SPAG16: variants seen among roughly 807,000 people sequenced by gnomAD.
The protein encoded by SPAG16 is sperm-associated antigen 16 protein.
In SPAG16, 86 loss-of-function variants were observed where a neutral mutation model predicts 80.4. The observed-to-expected ratio is 1.07, with a 90% CI of 0.90 to 1.28. SPAG16 has a LOEUF of 1.28. SPAG16 is among the 50% of genes most tolerant of loss of function. The pLI is 0.00. For synonymous variants in SPAG16, 294 were observed against 265.9 expected, an observed-to-expected ratio of 1.11 and a Z score of -1.03; for missense variants, 870 against 765.3, an observed-to-expected ratio of 1.14 and a Z score of -1.61.
At chr2:214,293,838 G>A (rs1046070017) in intron 15 of SPAG16, among the ~76,000 whole-genome samples, 4 of 152,200 alleles carry the variant, frequency 2.6e-5, no homozygotes, top group Non-Finnish European at 5.9e-5. Context: ...TAAGCTTTCT[G>A]AATGGTACCA....
intron 10 of SPAG16, among the ~76,000 whole-genome samples, chr2:213,829,174 C>T (rs923641231): frequency 2.6e-5 from 4 of 152,150 alleles, no homozygotes; most frequent in African/African-American, 9.7e-5. Context: ...GGAGCCAGGG[C>T]CTAGAGTCAG....
chr2:213,376,629 T>C (rs1575419559), intron 9 of SPAG16, among the ~76,000 whole-genome samples: 1 of 152,070 alleles, frequency 6.6e-6, no homozygotes. Context: ...TCACATGATA[T>C]CTATTGACTC....
intron 14 of SPAG16, among the ~76,000 whole-genome samples, chr2:214,123,852 C>T (rs1264675748): frequency 6.6e-6 from 1 of 151,922 alleles, no homozygotes; most frequent in African/African-American, 2.4e-5. Context: ...ATAGCAAAAT[C>T]GGGACACATA....
chr2:213,697,641 C>T (rs74855792), intron 10 of SPAG16, among the ~76,000 whole-genome samples: 3 of 152,122 alleles, frequency 2.0e-5, no homozygotes, highest in African/African-American at 7.2e-5. Context: ...TTTTGACCTA[C>T]ATAACTGTAA....
At chr2:214,281,472 C>T (rs565272468) in intron 15 of SPAG16, 60 of 165,124 alleles carry the variant, frequency 3.6e-4, no homozygotes, top group East Asian at 2.5e-3. Context: ...CAAATGCCCA[C>T]GTCTGCGGCT....
intron 10 of SPAG16, among the ~76,000 whole-genome samples, chr2:213,661,512 C>T (rs193196511): frequency 1.3e-5 from 2 of 152,184 alleles, no homozygotes; most frequent in East Asian, 1.9e-4. Context: ...TATTATACCT[C>T]GATTATACTC....
At chr2:213,876,092 C>T (rs1387204774) in intron 11 of SPAG16, among the ~76,000 whole-genome samples, 1 of 152,018 alleles carries the variant, frequency 6.6e-6, no homozygotes, top group African/African-American at 2.4e-5. Flanking sequence ...AGAGAGTTTA[C>T]TGTGAAAAGC....
intron 15 of SPAG16, among the ~76,000 whole-genome samples, chr2:214,228,213 A>C: frequency 6.6e-6 from 1 of 152,074 alleles, no homozygotes. Flanking sequence ...TTATTATTCA[A>C]GTTTGTTAAC....
intron 15 of SPAG16, among the ~76,000 whole-genome samples, chr2:214,207,489 C>T (rs1322231669): frequency 6.6e-6 from 1 of 152,188 alleles, no homozygotes; most frequent in African/African-American, 2.4e-5. Context: ...TCTATGCTAG[C>T]AGTGCTGATC....
chr2:213,394,807 C>G (rs904044045), intron 9 of SPAG16, among the ~76,000 whole-genome samples: 3 of 152,116 alleles, frequency 2.0e-5, no homozygotes, highest in African/African-American at 7.2e-5. Flanking sequence ...GTTGTTGATT[C>G]TCTTTAAAAT....
At chr2:213,687,271 G>A (rs1293330773) in intron 10 of SPAG16, among the ~76,000 whole-genome samples, 1 of 152,024 alleles carries the variant, frequency 6.6e-6, no homozygotes, top group African/African-American at 2.4e-5. Flanking sequence ...TGTTATAAAA[G>A]TCACAGTACA....
At chr2:214,371,981 G>T (rs7349270) in intron 15 of SPAG16, among the ~76,000 whole-genome samples, 116,350 of 152,034 alleles carry the variant, frequency 0.77, 44,917 homozygotes, top group African/African-American at 0.82. Flanking sequence ...GCACCCAGCC[G>T]ATATGTAATA....
At chr2:214,407,734 C>T (rs1334411640) in intron 15 of SPAG16, among the ~76,000 whole-genome samples, 1 of 152,108 alleles carries the variant, frequency 6.6e-6, no homozygotes, top group Non-Finnish European at 1.5e-5. Context: ...TCTTCTCTCT[C>T]AAACCAATTG....
intron 15 of SPAG16, among the ~76,000 whole-genome samples, chr2:214,202,026 G>T (rs149358169): frequency 5.3e-4 from 80 of 151,968 alleles, no homozygotes; most frequent in African/African-American, 1.8e-3. Flanking sequence ...TTGTAATTTT[G>T]TGTAGAAATG....
At chr2:213,617,769 G>A (rs1169337645) in intron 10 of SPAG16, among the ~76,000 whole-genome samples, 2 of 152,058 alleles carry the variant, frequency 1.3e-5, no homozygotes, top group Non-Finnish European at 2.9e-5. Context: ...GCCATGATCA[G>A]GCCACTGCAC....
At chr2:213,468,766 G>A (rs1346828723) in intron 9 of SPAG16, among the ~76,000 whole-genome samples, 1 of 149,402 alleles carries the variant, frequency 6.7e-6, no homozygotes, top group Non-Finnish European at 1.5e-5. Context: ...ATATATATGG[G>A]AATTTATTAA....
At chr2:214,380,356 T>TAAAAC (rs957768080) in intron 15 of SPAG16, among the ~76,000 whole-genome samples, 35 of 152,272 alleles carry the variant, frequency 2.3e-4, no homozygotes, top group African/African-American at 8.4e-4. Flanking sequence ...AGAAAATGCC[T>TAAAAC]AAAACAATTT....
At chr2:214,393,927 A>G (rs1173098090) in intron 15 of SPAG16, among the ~76,000 whole-genome samples, 1 of 152,194 alleles carries the variant, frequency 6.6e-6, no homozygotes, top group African/African-American at 2.4e-5. Flanking sequence ...GTCATAGGAA[A>G]TGTACCACCA....
intron 10 of SPAG16, among the ~76,000 whole-genome samples, chr2:213,825,710 T>C (rs1447461822): frequency 3.1e-4 from 46 of 147,940 alleles, no homozygotes; most frequent in Admixed American, 2.5e-3. Flanking sequence ...TCTTTTTTTT[T>C]TTTTTTTTTT....
Sources: allele counts gnomAD v4.1 joint callset (sites outside exome capture counted in the v4.1 genomes callset), GRCh38; gene constraint gnomAD v4.1.1; transcripts MANE v1.5; gene names NCBI Gene and HGNC (gene_info 2026-07-23, HGNC 2026-07-21).